EPS8: variants seen among roughly 807,000 people sequenced by gnomAD.
The protein encoded by EPS8 is EGFR pathway substrate 8, signaling adaptor, also known as epidermal growth factor receptor kinase substrate 8.
EPS8 carries 42 observed loss-of-function variants against 103.8 expected under a neutral mutation model. That is an observed-to-expected ratio of 0.40 (90% CI 0.32 to 0.52). The LOEUF is 0.52. Ranked by LOEUF, EPS8 falls within the 20% of genes least tolerant of loss-of-function variation. The probability of loss-of-function intolerance (pLI) is 0.40; values close to 1 mark genes in which losing one functional copy is unlikely to be tolerated. For synonymous variants in EPS8, 344 were observed against 344.6 expected (o/e 1.00, Z 0.02); for missense variants, 969 against 1,005.1 (o/e 0.96, Z 0.49).
intron 12 of EPS8, among the ~76,000 whole-genome samples, chr12:15,654,977 C>T (rs958433300): frequency 5.3e-5 from 8 of 152,000 alleles, no homozygotes; most frequent in Non-Finnish European, 2.9e-5. Context: ...TTCTTATGAG[C>T]TATTTTCTGG....
chr12:15,623,066 A>G, intron 20 of EPS8, 92 bp downstream of exon 20: 1 of 1,264,462 alleles, frequency 7.9e-7, no homozygotes, highest in Non-Finnish European at 1.1e-6. Flanking sequence ...CAGCTCTGTT[A>G]AGAAAGGGAA....
At chr12:15,705,332 T>C (rs577771499) in intron 1 of EPS8, among the ~76,000 whole-genome samples, 52 of 152,354 alleles carry the variant, frequency 3.4e-4, no homozygotes, top group African/African-American at 1.2e-3. Context: ...GTAATAGATA[T>C]ATTGTTTCAT....
At chr12:15,744,589 G>A (rs1946857179) in intron 1 of EPS8, among the ~76,000 whole-genome samples, 1 of 152,058 alleles carries the variant, frequency 6.6e-6, no homozygotes, top group East Asian at 1.9e-4. Context: ...CTTACAACAA[G>A]CCCATGAAGG....
In EPS8 at chr12:15,736,547, T is replaced by A. The variant is rs1480465879; in HGVS notation, c.-22+52614A>T. Among the ~76,000 whole-genome samples, 3 of 152,224 alleles carry A rather than the reference T, an allele frequency of 2.0e-5. No homozygotes were observed. Among genetic ancestry groups the A allele is most frequent in the Non-Finnish European group, 4.4e-5 (3 of 68,044 alleles). On this transcript the variant is annotated intron_variant, in intron 1 of 20. Transcript: ENST00000281172. This position sits in a 1 kb window ranked among gnomAD's most constrained non-coding sequence, Gnocchi z 4.2. The stretch of plus-strand genomic sequence containing the variant: ...TGCATTTTACTCACAGAAGATGCCC[T>A]CAAGCTTGGTTAAGATCTTATTAAT...
At chr12:15,756,639 T>C (rs1946989092) in intron 1 of EPS8, among the ~76,000 whole-genome samples, 1 of 152,176 alleles carries the variant, frequency 6.6e-6, no homozygotes, top group South Asian at 2.1e-4. Context: ...CGTTAATACA[T>C]TGTACCTTAT....
rs1946487482 is a variant in EPS8 at position 15,713,006 on chromosome 12, A to G, written c.-21-30034T>C. The G allele has an allele frequency of 1.0e-6, 1 of 985,126 alleles. No homozygotes were observed. The highest frequency in any genetic ancestry group is 1.7e-5 in the African/African-American group (1 of 57,228). The allele number at this position is 985,126 out of a possible 1,614,324, so 61.0% of individuals were successfully genotyped here. A position where few individuals can be genotyped will look rare whatever the true frequency, so the allele number is the denominator to read the frequency against. ...GTTTCGGCATTGTACTGTACCAAACAAAATTTCTGATTTGGTTTCTCTAGG... is the reference window on the plus strand; with the variant it reads ...GTTTCGGCATTGTACTGTACCAAACGAAATTTCTGATTTGGTTTCTCTAGG... On this transcript the variant is annotated intron_variant, in intron 1 of 20. Transcript: ENST00000281172. This position sits in a 1 kb window ranked among gnomAD's most constrained non-coding sequence, Gnocchi z 4.8.
At chr12:15,653,437 C>T (rs917141896) in intron 13 of EPS8, among the ~76,000 whole-genome samples, 4 of 152,128 alleles carry the variant, frequency 2.6e-5, no homozygotes, top group African/African-American at 9.7e-5. Flanking sequence ...TACCATCCGC[C>T]TCCCGCCCTT....
intron 1 of EPS8, among the ~76,000 whole-genome samples, chr12:15,691,331 A>G (rs1359387171): frequency 6.6e-6 from 1 of 151,934 alleles, no homozygotes; most frequent in African/African-American, 2.4e-5. Flanking sequence ...GCTTGAGGCC[A>G]GGAATTCAAG....
At chr12:15,650,544 G>A (rs557435450) in intron 14 of EPS8, among the ~76,000 whole-genome samples, 15 of 152,014 alleles carry the variant, frequency 9.9e-5, no homozygotes, top group Non-Finnish European at 1.6e-4. Context: ...ACTTAGGATC[G>A]CCAGAGCCAG....
chr12:15,716,379 T>G lies in EPS8; in HGVS notation c.-21-33407A>C, dbSNP rs558581513. On this transcript the variant is annotated intron_variant, in intron 1 of 20. Coordinates refer to ENST00000281172, the MANE Select transcript of EPS8 (RefSeq NM_004447.6). The surrounding 1 kb of genome is among the most constrained non-coding windows in gnomAD (Gnocchi z 5.0). The stretch of plus-strand genomic sequence containing the variant: ...AAGGCTAATCTGGCACAGACTGATA[T>G]ATGACAAATCATTGTCCAAATATTA... Among the ~76,000 whole-genome samples, 22 of 152,304 alleles carry G rather than the reference T, an allele frequency of 1.4e-4. No individual in the cohort carries two copies. Among genetic ancestry groups the G allele is most frequent in the African/African-American group, 5.3e-4 (22 of 41,558 alleles).
At chr12:15,753,743 T>C (rs1337696826) in intron 1 of EPS8, among the ~76,000 whole-genome samples, 1 of 152,248 alleles carries the variant, frequency 6.6e-6, no homozygotes, top group African/African-American at 2.4e-5. Context: ...TCCTCTCTCA[T>C]GCTCACTCCA....
intron 1 of EPS8, among the ~76,000 whole-genome samples, chr12:15,740,606 G>T (rs1319817202): frequency 6.6e-6 from 1 of 151,378 alleles, no homozygotes; most frequent in East Asian, 1.9e-4. Context: ...TAAATAGGAA[G>T]TTCCTGAGGC....
At chr12:15,641,656 TATA>T in intron 16 of EPS8, 63 bp downstream of exon 16, 1 of 704,832 alleles carries the variant, frequency 1.4e-6, no homozygotes, top group Non-Finnish European at 2.3e-6. Context: ...AGTTTAGTTA[TATA>T]CCAAAAGAGT....
intron 6 of EPS8, among the ~76,000 whole-genome samples, chr12:15,667,779 T>C (rs1945741681): frequency 6.6e-6 from 1 of 152,192 alleles, no homozygotes; most frequent in South Asian, 2.1e-4. Flanking sequence ...AAATGTCTCA[T>C]ATGCAGAGTA....
In EPS8 at chr12:15,752,446, C is replaced by CA. The variant is rs1370489030; in HGVS notation, c.-22+36714dup. Among the ~76,000 whole-genome samples, 63 of 140,558 alleles carry CA rather than the reference C, an allele frequency of 4.5e-4. No homozygotes were observed. The highest frequency in any genetic ancestry group is 1.8e-3 in the East Asian group (9 of 4,866). The allele number at this position is 140,558 out of a possible 152,430, so 92.2% of individuals were successfully genotyped here. ...TGGGCGACAGAGCAAGACTCCATCT[C>CA]AAAAAAAAAACAAAAACAAAAAAAA... On this transcript the variant is annotated intron_variant, in intron 1 of 20. Coordinates refer to ENST00000281172, the MANE Select transcript of EPS8 (RefSeq NM_004447.6). This position sits in a 1 kb window ranked among gnomAD's most constrained non-coding sequence, Gnocchi z 4.4.
chr12:15,727,883 A>T lies in EPS8; in HGVS notation c.-21-44911T>A, dbSNP rs1243774413. On this transcript the variant is annotated intron_variant, in intron 1 of 20. Transcript: ENST00000281172. This position sits in a 1 kb window ranked among gnomAD's most constrained non-coding sequence, Gnocchi z 4.3. ...CAAAAAAAATAAAATAAAATAAATA[A>T]GTCTAGTTTCCTTTACTAAGATGCT... Among the ~76,000 whole-genome samples the T allele has an allele frequency of 1.3e-5, 2 of 152,122 alleles. No homozygotes were observed. The highest frequency in any genetic ancestry group is 4.1e-4 in the South Asian group (2 of 4,830).
chr12:15,663,752 A>T (rs539772337), intron 8 of EPS8, among the ~76,000 whole-genome samples: 1 of 150,478 alleles, frequency 6.6e-6, no homozygotes, highest in African/African-American at 2.4e-5. Context: ...GTGAAACTCC[A>T]TCTCTACTAA....
At chr12:15,639,247 C>A (rs955708024) in intron 17 of EPS8, among the ~76,000 whole-genome samples, 1 of 152,040 alleles carries the variant, frequency 6.6e-6, no homozygotes, top group South Asian at 2.1e-4. Flanking sequence ...AGGTTTCAAG[C>A]ATATACTACC....
chr12:15,756,417 CT>C (rs2136025165), intron 1 of EPS8, among the ~76,000 whole-genome samples: 3 of 152,178 alleles, frequency 2.0e-5, no homozygotes, highest in Admixed American at 2.0e-4. Context: ...AAATGTATTT[CT>C]TAATTATTCT....
Sources: allele counts gnomAD v4.1 joint callset (sites outside exome capture counted in the v4.1 genomes callset), GRCh38; gene constraint gnomAD v4.1.1; non-coding constraint Gnocchi (gnomAD v3.1); transcripts MANE v1.5; gene names NCBI Gene and HGNC (gene_info 2026-07-23, HGNC 2026-07-21).